The following RGS9 variants were observed in gnomAD, a reference collection of about 807,000 sequenced individuals.
The protein encoded by RGS9 is regulator of G protein signaling 9.
A neutral mutation model predicts 102.0 loss-of-function variants in RGS9; 78 were observed. The observed-to-expected ratio is 0.76, with a 90% confidence interval of 0.64 to 0.92. RGS9 has a LOEUF of 0.92. Among genes scored for constraint, RGS9 ranks in the 40% least tolerant of loss-of-function variants. The pLI, the probability that RGS9 is intolerant of heterozygous loss-of-function variation, is 0.00. For synonymous variants in RGS9, 353 were observed against 318.6 expected, an observed-to-expected ratio of 1.11 and a Z score of -1.15; for missense variants, 833 against 866.1, an observed-to-expected ratio of 0.96 and a Z score of 0.48.
chr17:65,227,461 TGC>T lies in RGS9; in HGVS notation c.*55_*56del. On this transcript the variant is annotated 3_prime_UTR_variant, in exon 19 of 19. Transcript: ENST00000262406. ...TGGACCAGGAAGATGCTCTGACAGA[TGC>T]CATGGTATGGGCCACAGGACACACT... The T allele has an allele frequency of 6.3e-7, 1 of 1,575,854 alleles. No homozygotes were observed. The highest frequency in any genetic ancestry group is 8.6e-7 in the Non-Finnish European group (1 of 1,160,172).
chr17:65,177,620 A>G lies in RGS9; in HGVS notation c.583-112A>G, dbSNP rs28696681. The G allele has an allele frequency of 7.0e-3, 7,635 of 1,091,044 alleles. 322 individuals are homozygous for G. In the African/African-American group the frequency reaches 0.099, roughly 14 times the overall value. The allele number at this position is 1,091,044 out of a possible 1,614,324, so 67.6% of individuals were successfully genotyped here. On this transcript the variant is annotated intron_variant, in intron 8 of 18. Transcript: ENST00000262406. ...CTCAAAGCTTCCCATGGGCTAGGCC[A>G]CAAGCTCTTCTCAGCTCAATCTCAC...
rs536131594 is a variant in RGS9, at chr17:65,160,809, T to G, written c.365-42T>G. 5.6e-6 allele frequency: 9 copies of G among 1,603,218 alleles called. No individual in the cohort carries two copies. In the Admixed American group the frequency reaches 1.3e-4, roughly 24 times the overall value. On this transcript the variant is annotated intron_variant, in intron 5 of 18. Coordinates refer to ENST00000262406, the MANE Select transcript of RGS9 (RefSeq NM_003835.4). ...GCTTAGGGAGGCTGCAGATGGGGTT[T>G]TGAAAGATGATGATGGAAAATGTCA...
chr17:65,142,895 GTTTC>G (rs982114971), intron 1 of RGS9, among the ~76,000 whole-genome samples: 2 of 151,492 alleles, frequency 1.3e-5, no homozygotes, highest in Non-Finnish European at 3.0e-5. Flanking sequence ...TTTTCTTTTT[GTTTC>G]TTTCTTTCTT....
At position 65,189,270 on chromosome 17, in the gene RGS9, T is replaced by C; in HGVS notation, c.655-16T>C. 6.2e-7 allele frequency: 1 copy of C among 1,609,308 alleles called. No individual in the cohort carries two copies. Among genetic ancestry groups the C allele is most frequent in the Non-Finnish European group, 8.5e-7 (1 of 1,175,812 alleles). On this transcript the variant is annotated splice_polypyrimidine_tract_variant and intron_variant, in intron 9 of 18. Transcript: ENST00000262406. Reference sequence around the variant, plus strand: ...TCATGACATCTGCCTAACGGTTTTGTTTCTTTGTCTTACAGAAACAAACAG... The same window carrying C: ...TCATGACATCTGCCTAACGGTTTTGCTTCTTTGTCTTACAGAAACAAACAG...
chr17:65,158,273 G>T (rs761016561), intron 2 of RGS9, 22 bp from the exon 3 acceptor site: 1 of 1,613,372 alleles, frequency 6.2e-7, no homozygotes, highest in Non-Finnish European at 8.5e-7. Context: ...GACAATAACC[G>T]CAAATGTCTC....
At chr17:65,157,414 G>A (rs1432379786) in intron 2 of RGS9, among the ~76,000 whole-genome samples, 1 of 151,982 alleles carries the variant, frequency 6.6e-6, no homozygotes, top group Non-Finnish European at 1.5e-5. Flanking sequence ...CTGTGGGGTC[G>A]TACGGCAGCT....
At chr17:65,221,477 G>C (rs186723828) in intron 17 of RGS9, among the ~76,000 whole-genome samples, 126 of 152,294 alleles carry the variant, frequency 8.3e-4, no homozygotes, top group Admixed American at 1.8e-3. Context: ...ATGGCAATGT[G>C]AATCAGCAAG....
At chr17:65,181,117 A>G (rs1911869424) in intron 9 of RGS9, among the ~76,000 whole-genome samples, 1 of 152,210 alleles carries the variant, frequency 6.6e-6, no homozygotes, top group Non-Finnish European at 1.5e-5. Context: ...ATAGGCATGC[A>G]TGTGTCTTTA....
At chr17:65,141,163 G>T (rs144282402) in intron 1 of RGS9, among the ~76,000 whole-genome samples, 1 of 152,194 alleles carries the variant, frequency 6.6e-6, no homozygotes, top group Admixed American at 6.5e-5. Flanking sequence ...GCCTGGGCTC[G>T]TTTCAGATGT....
intron 1 of RGS9, among the ~76,000 whole-genome samples, chr17:65,147,838 GCCTTACCCT>G (rs1400823759): frequency 1.3e-5 from 2 of 151,890 alleles, no homozygotes; most frequent in Non-Finnish European, 2.9e-5. Flanking sequence ...TGATCTGTCT[GCCTTACCCT>G]CCCAAAGTGC....
chr17:65,226,586 C>T (rs1905690534), intron 18 of RGS9, among the ~76,000 whole-genome samples: 1 of 151,802 alleles, frequency 6.6e-6, no homozygotes. Flanking sequence ...GCCACTACTT[C>T]CTCAGAAGGC....
intron 11 of RGS9, among the ~76,000 whole-genome samples, chr17:65,193,318 G>C (rs1289271316): frequency 6.6e-6 from 1 of 152,010 alleles, no homozygotes; most frequent in Non-Finnish European, 1.5e-5. Flanking sequence ...AGAGGGACTG[G>C]ATGGAAGACA....
chr17:65,226,173 C>T (rs1020560993), intron 18 of RGS9, among the ~76,000 whole-genome samples: 21 of 152,328 alleles, frequency 1.4e-4, no homozygotes, highest in East Asian at 1.2e-3. Flanking sequence ...TGCTCCATAA[C>T]GCCTGGATCA....
intron 13 of RGS9, among the ~76,000 whole-genome samples, chr17:65,200,950 C>T (rs182241637): frequency 6.6e-6 from 1 of 152,278 alleles, no homozygotes; most frequent in Non-Finnish European, 1.5e-5. Context: ...CTCTGGTAAA[C>T]AGTAGGCTAT....
At position 65,182,253 on chromosome 17, in the gene RGS9, C is replaced by T. The variant is rs1911913031; in HGVS notation, c.654+4450C>T. 2.0e-5 allele frequency among the ~76,000 whole-genome samples: 3 copies of T among 152,372 alleles called. No homozygotes were observed. The South Asian group carries it at 6.2e-4, about 32-fold the overall frequency. ...CCAATAGGGGACAAACTTCTTTCTT[C>T]TTGTGGCTTCTGTGTGACCATGCCT... On this transcript the variant is annotated intron_variant, in intron 9 of 18. Transcript: ENST00000262406.
At chr17:65,207,859 G>A (rs369542825) in intron 15 of RGS9, 63 bp from the exon 16 acceptor site, 3 of 1,170,234 alleles carry the variant, frequency 2.6e-6, no homozygotes, top group Middle Eastern at 1.9e-4. Flanking sequence ...AATGGCAAGG[G>A]TATTGGTTTG....
chr17:65,186,131 C>T (rs554222283), intron 9 of RGS9, among the ~76,000 whole-genome samples: 8 of 151,920 alleles, frequency 5.3e-5, no homozygotes, highest in Middle Eastern at 3.4e-3. Flanking sequence ...TTTTGTCTTG[C>T]GTTACGGCTC....
chr17:65,156,321 C>T (rs1335313633), intron 2 of RGS9, among the ~76,000 whole-genome samples: 3 of 152,234 alleles, frequency 2.0e-5, no homozygotes, highest in Non-Finnish European at 4.4e-5. Flanking sequence ...CCGCGCCCAG[C>T]CCAGAGTCCA....
At chr17:65,164,810 T>C (rs1430958202) in intron 7 of RGS9, among the ~76,000 whole-genome samples, 1 of 152,234 alleles carries the variant, frequency 6.6e-6, no homozygotes, top group Non-Finnish European at 1.5e-5. Flanking sequence ...TAATCACTTA[T>C]ATTTGTTCAT....
Sources: allele counts gnomAD v4.1 joint callset (sites outside exome capture counted in the v4.1 genomes callset), GRCh38; gene constraint gnomAD v4.1.1; transcripts MANE v1.5; gene names NCBI Gene and HGNC (gene_info 2026-07-23, HGNC 2026-07-21).